AGBL1: variants seen among roughly 807,000 people sequenced by gnomAD.
AGBL1 encodes the protein cytosolic carboxypeptidase 4.
In AGBL1, 130 loss-of-function variants were observed where a neutral mutation model predicts 118.9. The observed-to-expected ratio is 1.09, with a 90% confidence interval of 0.95 to 1.26. The LOEUF is 1.26. Among genes scored for constraint, AGBL1 ranks in the 50% most tolerant of loss-of-function variants. The pLI is 0.00. For synonymous variants in AGBL1, 555 were observed against 478.9 expected (o/e 1.16, Z -2.08); for missense variants, 1,584 against 1,298.1 (o/e 1.22, Z -3.38).
intron 2 of AGBL1, 131 bp downstream of exon 2, chr15:86,142,198 C>G (rs889131294): frequency 1.2e-6 from 1 of 852,046 alleles, no homozygotes; most frequent in Non-Finnish European, 1.8e-6. Flanking sequence ...GCATCACTAG[C>G]CCATCTTTTT....
At chr15:86,257,625 T>G in intron 8 of AGBL1, among the ~76,000 whole-genome samples, 1 of 152,192 alleles carries the variant, frequency 6.6e-6, no homozygotes, top group East Asian at 1.9e-4. Flanking sequence ...ATTTCGTTTG[T>G]GTGTGATCTC....
intron 21 of AGBL1, among the ~76,000 whole-genome samples, chr15:86,653,692 A>G (rs755795098): frequency 3.3e-5 from 5 of 152,166 alleles, no homozygotes; most frequent in Non-Finnish European, 7.3e-5. Context: ...AATGGAAGAC[A>G]TACAAGCCAG....
At chr15:86,821,992 C>T (rs2078948512) in intron 22 of AGBL1, among the ~76,000 whole-genome samples, 1 of 152,134 alleles carries the variant, frequency 6.6e-6, no homozygotes, top group African/African-American at 2.4e-5. Context: ...AGTTTTCTGA[C>T]ACTTCCTGAG....
At chr15:86,432,157 GACAA>G (rs2081942803) in intron 18 of AGBL1, among the ~76,000 whole-genome samples, 1 of 152,292 alleles carries the variant, frequency 6.6e-6, no homozygotes, top group Admixed American at 6.5e-5. Context: ...CCGACCTTCT[GACAA>G]ACAACTACAT....
At chr15:86,856,464 G>T (rs2079481975) in intron 22 of AGBL1, among the ~76,000 whole-genome samples, 1 of 152,228 alleles carries the variant, frequency 6.6e-6, no homozygotes, top group East Asian at 1.9e-4. Flanking sequence ...AAGACAGACT[G>T]ACAGAAATAG....
intron 18 of AGBL1, among the ~76,000 whole-genome samples, chr15:86,430,634 C>G (rs1045297017): frequency 1.3e-5 from 2 of 152,238 alleles, no homozygotes; most frequent in South Asian, 2.1e-4. Context: ...ACTAACCACA[C>G]TGCACATAGG....
In AGBL1 at chr15:86,496,120, G is replaced by A. The variant is rs116569050; in HGVS notation, c.2556-26690G>A. Among the ~76,000 whole-genome samples the A allele has an allele frequency of 9.7e-3, 1,481 of 152,070 alleles. 22 individuals are homozygous for A. The highest frequency in any genetic ancestry group is 0.034 in the African/African-American group (1,415 of 41,516). ...ATGTTGAGGGACAGACCTGGTGGGAGGTGATTGGATCATGGGGGCGGTTTC... is the reference window on the plus strand; with the variant it reads ...ATGTTGAGGGACAGACCTGGTGGGAAGTGATTGGATCATGGGGGCGGTTTC... On this transcript the variant is annotated intron_variant, in intron 18 of 22. Coordinates refer to ENST00000614907, the MANE Select transcript of AGBL1 (RefSeq NM_001386094.1).
chr15:86,267,734 C>T (rs893565511), intron 13 of AGBL1, among the ~76,000 whole-genome samples: 2 of 152,158 alleles, frequency 1.3e-5, no homozygotes, highest in African/African-American at 4.8e-5. Flanking sequence ...GAAGAGACCG[C>T]GGTTCTCACT....
Position 86,510,006 on chromosome 15 carries a change from C to T in AGBL1, c.2556-12804C>T, listed in dbSNP as rs74794392. 4.2e-3 allele frequency among the ~76,000 whole-genome samples: 623 copies of T among 149,206 alleles called. 4 individuals are homozygous for T. Among genetic ancestry groups the T allele is most frequent in the African/African-American group, 0.015 (598 of 40,780 alleles). The stretch of plus-strand genomic sequence containing the variant: ...CTGAGTGCTATCCATTTTCTCCTAC[C>T]AGGAAATCAAGGAAAAGGAACTCCA... On this transcript the variant is annotated intron_variant, in intron 18 of 22. Transcript: ENST00000614907.
chr15:87,002,825 T>G (rs2081454533), intron 24 of AGBL1, among the ~76,000 whole-genome samples: 1 of 152,336 alleles, frequency 6.6e-6, no homozygotes, highest in Middle Eastern at 3.4e-3. Context: ...TGCACATTGA[T>G]TTTATATCCT....
intron 22 of AGBL1, among the ~76,000 whole-genome samples, chr15:86,718,212 C>T (rs937904465): frequency 3.3e-5 from 5 of 152,184 alleles, no homozygotes; most frequent in African/African-American, 1.2e-4. Flanking sequence ...AGAAAACCAT[C>T]CTGTGTTGAG....
At chr15:86,510,729 A>G (rs143940965) in intron 18 of AGBL1, among the ~76,000 whole-genome samples, 17 of 152,268 alleles carry the variant, frequency 1.1e-4, no homozygotes, top group Admixed American at 5.9e-4. Context: ...TGAGATGGAG[A>G]TGATCAGGAA....
intron 22 of AGBL1, among the ~76,000 whole-genome samples, chr15:86,755,988 T>A (rs2077933394): frequency 6.6e-6 from 1 of 152,104 alleles, no homozygotes. Flanking sequence ...GGCTGGAATT[T>A]CCCCATGCTG....
Position 86,494,919 on chromosome 15 carries a change from T to C in AGBL1, c.2556-27891T>C, listed in dbSNP as rs2082828037. ...CTTAATGCTAATATTTAACAAAGTTTAACATTTTTACGTATTTGCTTCAGG... is the reference window on the plus strand; with the variant it reads ...CTTAATGCTAATATTTAACAAAGTTCAACATTTTTACGTATTTGCTTCAGG... On this transcript the variant is annotated intron_variant, in intron 18 of 22. Coordinates refer to ENST00000614907, the MANE Select transcript of AGBL1 (RefSeq NM_001386094.1). 3.3e-5 allele frequency among the ~76,000 whole-genome samples: 5 copies of C among 150,160 alleles called. No individual in the cohort carries two copies. In the Admixed American group the frequency reaches 3.3e-4, roughly 10 times the overall value.
At chr15:86,473,214 C>T (rs2082503683) in intron 18 of AGBL1, among the ~76,000 whole-genome samples, 1 of 152,098 alleles carries the variant, frequency 6.6e-6, no homozygotes, top group Admixed American at 6.6e-5. Flanking sequence ...GTTCTAGGAA[C>T]CCAGAATGGG....
At chr15:86,680,029 G>A (rs958872680) in intron 22 of AGBL1, among the ~76,000 whole-genome samples, 1 of 151,968 alleles carries the variant, frequency 6.6e-6, no homozygotes, top group African/African-American at 2.4e-5. Context: ...AAATTTCCTA[G>A]GTAGGATACA....
intron 24 of AGBL1, among the ~76,000 whole-genome samples, chr15:87,005,899 T>C (rs1239846634): frequency 6.6e-6 from 1 of 152,188 alleles, no homozygotes; most frequent in East Asian, 1.9e-4. Flanking sequence ...TGTTGGTTAG[T>C]TTTCCTTTTA....
chr15:86,636,255 G>A (rs2085080776), intron 21 of AGBL1, among the ~76,000 whole-genome samples: 1 of 152,072 alleles, frequency 6.6e-6, no homozygotes, highest in African/African-American at 2.4e-5. Flanking sequence ...CTGTTAGCAA[G>A]GGCCCATGAA....
At chr15:86,165,419 G>A (rs2077326866) in intron 5 of AGBL1, among the ~76,000 whole-genome samples, 1 of 152,040 alleles carries the variant, frequency 6.6e-6, no homozygotes, top group African/African-American at 2.4e-5. Context: ...CGGGTCTTCT[G>A]GGCTTTCTCC....
Sources: gnomAD v4.1 joint callset for allele counts (sites outside exome capture counted in the v4.1 genomes callset) on GRCh38, gnomAD v4.1.1 for gene constraint, MANE v1.5 for transcripts, NCBI Gene and HGNC (gene_info 2026-07-23, HGNC 2026-07-21) for gene names.